The following PDE11A variants were observed in gnomAD, a reference collection of about 807,000 sequenced individuals.
PDE11A encodes phosphodiesterase 11A.
PDE11A carries 100 observed loss-of-function variants against 100.5 expected under a neutral mutation model. The observed-to-expected ratio is 1.00, with a 90% CI of 0.85 to 1.18. The LOEUF is 1.18. Ranked by LOEUF, PDE11A falls within the 50% of genes most tolerant of loss-of-function variation. PDE11A has a pLI of 0.00. For missense variants in PDE11A, 1,141 were observed against 1,152.6 expected (o/e 0.99, Z 0.15); for synonymous variants, 381 against 420.8 (o/e 0.91, Z 1.16).
At chr2:177,670,711 A>G (rs973375291) in intron 17 of PDE11A, among the ~76,000 whole-genome samples, 3 of 152,208 alleles carry the variant, frequency 2.0e-5, no homozygotes, top group African/African-American at 7.2e-5. Context: ...TTGATCTCTC[A>G]AGAGATTTGC....
chr2:177,791,551 A>G (rs2082633307), intron 9 of PDE11A, among the ~76,000 whole-genome samples: 3 of 148,010 alleles, frequency 2.0e-5, no homozygotes, highest in Non-Finnish European at 4.5e-5. Context: ...AAAAAAAAAG[A>G]ATAGTGTTTA....
chr2:177,788,188 C>T (rs1367816641), intron 9 of PDE11A, among the ~76,000 whole-genome samples: 1 of 151,814 alleles, frequency 6.6e-6, no homozygotes, highest in Non-Finnish European at 1.5e-5. Flanking sequence ...AACAAACTGT[C>T]TCTCAGACCA....
intron 10 of PDE11A, among the ~76,000 whole-genome samples, chr2:177,729,653 C>T (rs2105449565): frequency 6.6e-6 from 1 of 152,244 alleles, no homozygotes; most frequent in African/African-American, 2.4e-5. Context: ...AAAGGCATTG[C>T]TCTTTGAGCT....
intron 19 of PDE11A, among the ~76,000 whole-genome samples, chr2:177,663,172 A>C (rs2080508702): frequency 6.6e-6 from 1 of 151,354 alleles, no homozygotes; most frequent in Admixed American, 6.6e-5. Context: ...CCTGATCCGC[A>C]CTCAAAAAGT....
intron 2 of PDE11A, among the ~76,000 whole-genome samples, chr2:177,971,159 C>A (rs2085765114): frequency 6.6e-6 from 1 of 152,092 alleles, no homozygotes; most frequent in African/African-American, 2.4e-5. Flanking sequence ...ATAGAAAAAC[C>A]ACTCATTAGC....
intron 19 of PDE11A, among the ~76,000 whole-genome samples, chr2:177,640,625 T>G (rs1012053761): frequency 6.6e-6 from 1 of 152,228 alleles, no homozygotes; most frequent in Non-Finnish European, 1.5e-5. Flanking sequence ...GTCCAAAGGT[T>G]AAGATTATTC....
chr2:177,883,506 C>T (rs1290576782), intron 4 of PDE11A, among the ~76,000 whole-genome samples: 1 of 152,054 alleles, frequency 6.6e-6, no homozygotes, highest in African/African-American at 2.4e-5. Flanking sequence ...AAATGTTTCA[C>T]CACAATGTAT....
intron 9 of PDE11A, among the ~76,000 whole-genome samples, chr2:177,797,561 G>A (rs1041304432): frequency 4.6e-5 from 7 of 152,144 alleles, no homozygotes; most frequent in Non-Finnish European, 1.0e-4. Context: ...TAAGAAGAAT[G>A]TAAGGTAATG....
chr2:177,787,353 C>A (rs1230049071), intron 9 of PDE11A, among the ~76,000 whole-genome samples: 4 of 150,764 alleles, frequency 2.7e-5, no homozygotes, highest in African/African-American at 7.3e-5. Context: ...GATTTTGTCA[C>A]CACCAGGCCT....
At position 177,624,843 on chromosome 2, in the gene PDE11A, G is replaced by A. The variant is rs1374755991; in HGVS notation, c.*4564C>T. 1 of 152,352 alleles carries A rather than the reference G, an allele frequency of 6.6e-6. No homozygotes were observed. The highest frequency in any genetic ancestry group is 6.5e-5 in the Admixed American group (1 of 15,288). 9.4% of individuals were successfully genotyped at this position (152,352 alleles called of 1,614,324 possible). On this transcript the variant is annotated 3_prime_UTR_variant, in exon 20 of 20. Transcript: ENST00000286063. ...CTAACACTTTGGGAGGCCAAGGCAG[G>A]AGGATTGCTTGAGCCCAGGAGTTCG...
intron 17 of PDE11A, among the ~76,000 whole-genome samples, chr2:177,670,061 T>C (rs964112984): frequency 6.6e-6 from 1 of 152,228 alleles, no homozygotes; most frequent in African/African-American, 2.4e-5. Flanking sequence ...AATATTTGTA[T>C]GCACTCTGGG....
intron 15 of PDE11A, chr2:177,688,301 TG>T (rs1208851878): frequency 6.6e-6 from 1 of 152,248 alleles, no homozygotes; most frequent in Non-Finnish European, 1.5e-5. Flanking sequence ...CTCCAGGTGA[TG>T]TATTTCTGAC....
chr2:178,099,387 G>A (rs368442749), intron 2 of PDE11A, among the ~76,000 whole-genome samples: 6 of 148,222 alleles, frequency 4.0e-5, no homozygotes, highest in South Asian at 2.1e-4. Context: ...GCAGTGAGCC[G>A]AGATCACAAC....
intron 17 of PDE11A, among the ~76,000 whole-genome samples, chr2:177,672,987 G>A (rs2080705736): frequency 6.6e-6 from 1 of 152,144 alleles, no homozygotes; most frequent in Non-Finnish European, 1.5e-5. Context: ...TTACCTATAT[G>A]GTTCTCTCAC....
At chr2:177,854,668 A>C (rs1233877001) in intron 5 of PDE11A, among the ~76,000 whole-genome samples, 1 of 152,104 alleles carries the variant, frequency 6.6e-6, no homozygotes, top group African/African-American at 2.4e-5. Context: ...TTTTTAGCGA[A>C]AGGCGGCAGA....
chr2:177,649,431 C>A (rs2080275209), intron 19 of PDE11A, among the ~76,000 whole-genome samples: 1 of 151,994 alleles, frequency 6.6e-6, no homozygotes, highest in East Asian at 1.9e-4. Flanking sequence ...TAATACTATG[C>A]AGCCATCAAA....
chr2:177,892,930 C>A (rs1189551388), intron 4 of PDE11A, among the ~76,000 whole-genome samples: 1 of 152,232 alleles, frequency 6.6e-6, no homozygotes, highest in African/African-American at 2.4e-5. Flanking sequence ...TCTAGAAAAG[C>A]TGTCAGGCTC....
At position 177,858,224 on chromosome 2, in the gene PDE11A, A is replaced by G. The variant is rs554645034; in HGVS notation, c.1367+17635T>C. Among the ~76,000 whole-genome samples, 700 of 151,724 alleles carry G rather than the reference A, an allele frequency of 4.6e-3. 2 individuals are homozygous for G. Among genetic ancestry groups the G allele is most frequent in the Non-Finnish European group, 7.7e-3 (523 of 67,902 alleles). ...TGTCTAAAACACCAAAAGCAATGGC[A>G]ACAGAAGCCAAAATTGACAAATGGG... is the stretch of plus-strand genomic sequence containing the variant. On this transcript the variant is annotated intron_variant, in intron 5 of 19. Coordinates refer to ENST00000286063, the MANE Select transcript of PDE11A (RefSeq NM_016953.4).
chr2:177,927,460 C>G (rs1006521762), intron 2 of PDE11A, among the ~76,000 whole-genome samples: 2 of 152,136 alleles, frequency 1.3e-5, no homozygotes, highest in Admixed American at 1.3e-4. Context: ...TATAAGAGAA[C>G]AAAACTCTCA....
Sources: gnomAD v4.1 joint callset for allele counts (sites outside exome capture counted in the v4.1 genomes callset) on GRCh38, gnomAD v4.1.1 for gene constraint, MANE v1.5 for transcripts, NCBI Gene and HGNC (gene_info 2026-07-23, HGNC 2026-07-21) for gene names.